Variants in EGFLAM observed in about 807,000 individuals in gnomAD.
EGFLAM encodes EGF like, fibronectin type III and laminin G domains, also known as pikachurin.
EGFLAM carries 79 observed loss-of-function variants against 113.1 expected under a neutral mutation model. The ratio of observed to expected loss-of-function variants is 0.70; its 90% CI spans 0.58 to 0.84. The LOEUF is 0.84. Among genes scored for constraint, EGFLAM ranks in the 40% least tolerant of loss-of-function variants. The pLI is 0.00. For synonymous variants in EGFLAM, 504 were observed against 487.6 expected (o/e 1.03, Z -0.44); for missense variants, 1,265 against 1,291.6 (o/e 0.98, Z 0.32).
chr5:38,398,604 CT>C (rs1281058385), intron 6 of EGFLAM, among the ~76,000 whole-genome samples: 1 of 152,124 alleles, frequency 6.6e-6, no homozygotes, highest in Admixed American at 6.5e-5. Flanking sequence ...TTGCAAAGGC[CT>C]TGAGTCAGAG....
At chr5:38,393,768 A>C (rs1740877905) in intron 6 of EGFLAM, among the ~76,000 whole-genome samples, 1 of 152,204 alleles carries the variant, frequency 6.6e-6, no homozygotes, top group African/African-American at 2.4e-5. Context: ...GCAGCGTCCA[A>C]GCATGTTACC....
intron 1 of EGFLAM, 91 bp from the exon 2 acceptor site, chr5:38,337,429 C>T: frequency 8.8e-7 from 1 of 1,140,552 alleles, no homozygotes; most frequent in Non-Finnish European, 1.2e-6. Flanking sequence ...TGCTTTTCAT[C>T]TGTTAGATAA....
intron 17 of EGFLAM, among the ~76,000 whole-genome samples, chr5:38,446,052 G>T (rs560720039): frequency 1.3e-5 from 2 of 152,260 alleles, no homozygotes; most frequent in South Asian, 2.1e-4. Flanking sequence ...CCTCTCCCCC[G>T]TGGGGGTGAG....
intron 1 of EGFLAM, among the ~76,000 whole-genome samples, chr5:38,317,904 G>T (rs1235531670): frequency 6.6e-6 from 1 of 151,956 alleles, no homozygotes; most frequent in Non-Finnish European, 1.5e-5. Flanking sequence ...CTCACCAGAT[G>T]TGCTGCCTTA....
At chr5:38,271,310 T>C (rs900522241) in intron 1 of EGFLAM, among the ~76,000 whole-genome samples, 6 of 152,208 alleles carry the variant, frequency 3.9e-5, no homozygotes, top group African/African-American at 1.2e-4. Context: ...AAAGATGCTA[T>C]TTCTATGATG....
chr5:38,332,194 T>G (rs1739060438), intron 1 of EGFLAM, among the ~76,000 whole-genome samples: 1 of 152,218 alleles, frequency 6.6e-6, no homozygotes, highest in African/African-American at 2.4e-5. Flanking sequence ...GTGGAGCATG[T>G]TTTCATATGC....
chr5:38,431,776 T>G (rs1742197530), intron 15 of EGFLAM, among the ~76,000 whole-genome samples: 1 of 152,204 alleles, frequency 6.6e-6, no homozygotes, highest in South Asian at 2.1e-4. Flanking sequence ...GTCTCAGCAT[T>G]ATCCTCTTAT....
At chr5:38,337,060 T>C (rs1386567790) in intron 1 of EGFLAM, among the ~76,000 whole-genome samples, 1 of 152,250 alleles carries the variant, frequency 6.6e-6, no homozygotes, top group Non-Finnish European at 1.5e-5. Flanking sequence ...ATTTTATACA[T>C]AACTATATTT....
intron 20 of EGFLAM, among the ~76,000 whole-genome samples, chr5:38,461,736 T>A (rs574221454): frequency 6.6e-6 from 1 of 152,276 alleles, no homozygotes; most frequent in East Asian, 1.9e-4. Flanking sequence ...AGCAAATGTA[T>A]TTGCTTGAAC....
intron 5 of EGFLAM, among the ~76,000 whole-genome samples, chr5:38,352,778 A>G (rs1280512295): frequency 6.6e-6 from 1 of 152,162 alleles, no homozygotes; most frequent in African/African-American, 2.4e-5. Flanking sequence ...GCCCATGTAT[A>G]TACTTAGGCC....
Position 38,392,526 on chromosome 5 carries a change from A to G in EGFLAM, c.713-13600A>G, listed in dbSNP as rs548182683. The stretch of plus-strand genomic sequence containing the variant: ...AGTTCTACTTTTAGCTCTTTGAGGA[A>G]TGTCATAAAGATTTCCAGAATGGTT... On this transcript the variant is annotated intron_variant, in intron 6 of 21. Coordinates refer to ENST00000322350, the MANE Select transcript of EGFLAM (RefSeq NM_152403.4). Among the ~76,000 whole-genome samples, 40 of 152,192 alleles carry G rather than the reference A, an allele frequency of 2.6e-4. No individual in the cohort carries two copies. The South Asian group carries it at 3.1e-3, about 12-fold the overall frequency.
chr5:38,299,276 T>C (rs1561268606), intron 1 of EGFLAM, among the ~76,000 whole-genome samples: 1 of 152,160 alleles, frequency 6.6e-6, no homozygotes, highest in African/African-American at 2.4e-5. Flanking sequence ...AAAATACAAC[T>C]TTTTTTGCCT....
intron 6 of EGFLAM, among the ~76,000 whole-genome samples, chr5:38,374,084 A>G (rs577252939): frequency 2.0e-5 from 3 of 152,306 alleles, no homozygotes; most frequent in Admixed American, 6.5e-5. Flanking sequence ...GGTGTAAGAC[A>G]TCTCATTGTG....
intron 1 of EGFLAM, among the ~76,000 whole-genome samples, chr5:38,332,535 G>A (rs1404010275): frequency 6.6e-6 from 1 of 152,204 alleles, no homozygotes; most frequent in East Asian, 1.9e-4. Flanking sequence ...GCACACAGAA[G>A]TATAGCGTGT....
At position 38,297,695 on chromosome 5, in the gene EGFLAM, G is replaced by A. The variant is rs372947973; in HGVS notation, c.97+38844G>A. Among the ~76,000 whole-genome samples, 13 of 152,136 alleles carry A rather than the reference G, an allele frequency of 8.5e-5. No homozygotes were observed. The East Asian group carries it at 2.1e-3, about 25-fold the overall frequency. ...CTGGTCTTTAAAGTCACACTTCTCA[G>A]GCAAAAAGCTAGCAAGAGTCATTCT... On this transcript the variant is annotated intron_variant, in intron 1 of 21. Transcript: ENST00000322350.
chr5:38,424,599 G>A (rs1741937624), intron 12 of EGFLAM, among the ~76,000 whole-genome samples: 1 of 152,202 alleles, frequency 6.6e-6, no homozygotes, highest in Non-Finnish European at 1.5e-5. Flanking sequence ...ACACCCTGTT[G>A]ACATTGGAGG....
At chr5:38,352,884 A>G (rs1297015003) in intron 5 of EGFLAM, among the ~76,000 whole-genome samples, 1 of 152,218 alleles carries the variant, frequency 6.6e-6, no homozygotes, top group Non-Finnish European at 1.5e-5. Flanking sequence ...ATCAGAGACT[A>G]TTCTAGGCTC....
In EGFLAM at chr5:38,427,255, G is replaced by A. The variant is rs2112192884; in HGVS notation, c.2054+3G>A. On this transcript the variant is annotated splice_donor_region_variant and intron_variant, in intron 14 of 21. Coordinates refer to ENST00000322350, the MANE Select transcript of EGFLAM (RefSeq NM_152403.4). ...GGCTCTGGGACCGGTGTCCTCAGGT[G>A]AGGGCTGAAAACTTCTGGGACTCTT... is the stretch of plus-strand genomic sequence containing the variant. The A allele has an allele frequency of 1.1e-5, 17 of 1,612,784 alleles. No individual in the cohort carries two copies. The highest frequency in any genetic ancestry group is 1.4e-5 in the Non-Finnish European group (17 of 1,179,412).
rs1458325834 is a variant in EGFLAM, at chr5:38,431,173, A to G, written c.2055-4A>G. ...AAAAATAATATCACATCTTCCTTCCACAGGAGTGAAGATCCCCTCACCCTG... is the reference window on the plus strand; with the variant it reads ...AAAAATAATATCACATCTTCCTTCCGCAGGAGTGAAGATCCCCTCACCCTG... On this transcript the variant is annotated splice_region_variant and splice_polypyrimidine_tract_variant and intron_variant, in intron 14 of 21. Transcript: ENST00000322350. The G allele has an allele frequency of 6.2e-6, 10 of 1,611,548 alleles. No individual in the cohort carries two copies. The highest frequency in any genetic ancestry group is 1.7e-4 in the Middle Eastern group (1 of 6,054).
Sources: allele counts gnomAD v4.1 joint callset (sites outside exome capture counted in the v4.1 genomes callset), GRCh38; gene constraint gnomAD v4.1.1; transcripts MANE v1.5; gene names NCBI Gene and HGNC (gene_info 2026-07-23, HGNC 2026-07-21).